ETFB: variants seen among roughly 807,000 people sequenced by gnomAD.
The protein encoded by ETFB is beta-ETF.
Under a neutral mutation model 25.6 loss-of-function variants are expected in ETFB, and 20 were observed. The ratio of observed to expected loss-of-function variants is 0.78; its 90% CI spans 0.55 to 1.14. The LOEUF (loss-of-function observed/expected upper bound fraction) is 1.14. Ranked by LOEUF, ETFB falls within the 50% of genes most tolerant of loss-of-function variation. The pLI is 0.00. For synonymous variants in ETFB, 142 were observed against 146.7 expected (o/e 0.97, Z 0.23); for missense variants, 286 against 342.6 (o/e 0.83, Z 1.30).
At chr19:51,349,366 A>G (rs4802786) in intron 4 of ETFB, among the ~76,000 whole-genome samples, 132,022 of 151,866 alleles carry the variant, frequency 0.87, 57,954 homozygotes, top group African/African-American at 0.94. Context: ...AATGGGGTGA[A>G]ATAAAATATA....
chr19:51,357,413 T>C (rs558955906), intron 1 of ETFB, among the ~76,000 whole-genome samples: 27 of 145,290 alleles, frequency 1.9e-4, no homozygotes, highest in African/African-American at 6.6e-4. Context: ...CCTTCTCAGG[T>C]GCCAGGGATT....
intron 1 of ETFB, chr19:51,356,338 G>C (rs1017205660): frequency 6.6e-6 from 1 of 152,112 alleles, no homozygotes; most frequent in Admixed American, 6.5e-5. Flanking sequence ...AAATGCCACT[G>C]CAGTGTAAGG....
chr19:51,358,840 A>C (rs12977930), intron 1 of ETFB, among the ~76,000 whole-genome samples: 66,689 of 143,388 alleles, frequency 0.47, 16,322 homozygotes, highest in Non-Finnish European at 0.55. Context: ...ACAAAAAAAA[A>C]AAAAAAAAAA....
At chr19:51,354,374 C>T (rs1236176125) in intron 1 of ETFB, 66 bp from the exon 2 acceptor site, 4 of 1,614,068 alleles carry the variant, frequency 2.5e-6, no homozygotes, top group Non-Finnish European at 3.4e-6. Context: ...GGCCTCAGCG[C>T]CAACCCTCTC....
At position 51,353,883 on chromosome 19, in the gene ETFB, T is replaced by C. The variant is rs186073057; in HGVS notation, c.216+267A>G. Among the ~76,000 whole-genome samples the C allele has an allele frequency of 5.9e-3, 32 of 5,416 alleles. 9 individuals are homozygous for C. The highest frequency in any genetic ancestry group is 0.053 in the African/African-American group (19 of 360). The allele number at this position is 5,416 out of a possible 152,430, so 3.6% of individuals were successfully genotyped here. ...GGAATCCAGGCCCCCATCCCCTTCTTCCTCAGACCCAGGAGTCCAGGGCCC... is the reference window on the plus strand; with the variant it reads ...GGAATCCAGGCCCCCATCCCCTTCTCCCTCAGACCCAGGAGTCCAGGGCCC... On this transcript the variant is annotated intron_variant, in intron 2 of 5. Coordinates refer to ENST00000309244, the MANE Select transcript of ETFB (RefSeq NM_001985.3).
intron 1 of ETFB, chr19:51,365,285 A>T (rs1986328251): frequency 6.6e-6 from 1 of 152,256 alleles, no homozygotes. Context: ...GATGCCTGCC[A>T]CGTAAGTACC....
chr19:51,345,618 A>G (rs1436355343), intron 5 of ETFB: 3 of 568,852 alleles, frequency 5.3e-6, no homozygotes, highest in Non-Finnish European at 9.5e-6. Flanking sequence ...TAGGTAACCA[A>G]ATCAGGAAGC....
intron 1 of ETFB, chr19:51,361,812 CT>C (rs1986238836): frequency 6.9e-6 from 1 of 145,936 alleles, no homozygotes; most frequent in South Asian, 2.1e-4. Flanking sequence ...TCAAGCGATT[CT>C]TCTGCCTCAG....
Position 51,354,296 on chromosome 19 carries a change from G to T in ETFB, c.70C>A (p.Pro24Thr), listed in dbSNP as rs1241346242. The change falls in exon 2 of 6, where the codon CCT becomes ACT. Residue 24 changes from proline (P) to threonine (T), a missense_variant. Physicochemically the swap from Pro to Thr is conservative, Grantham distance 38 (BLOSUM62 -1). Transcript: ENST00000309244. ...TCCGTGACCACACCGGTCCTGTCAG[G>T]CTTCACTCGGATCTGCCCAGCAGGA... Reference protein sequence around the residue: ...IDYAVKIRVKPDRTGVVTDGV... With the variant: ...IDYAVKIRVKTDRTGVVTDGV... 8 of 1,614,062 alleles carry T rather than the reference G, an allele frequency of 5.0e-6. No homozygotes were observed. Among genetic ancestry groups the T allele is most frequent in the Non-Finnish European group, 5.9e-6 (7 of 1,180,056 alleles).
intron 1 of ETFB, among the ~76,000 whole-genome samples, chr19:51,359,300 C>T (rs939439249): frequency 6.6e-5 from 10 of 151,824 alleles, no homozygotes; most frequent in East Asian, 3.9e-4. Flanking sequence ...TAAAGTGATC[C>T]GCCTGCTTCA....
chr19:51,346,841 TG>T, intron 5 of ETFB, 58 bp downstream of exon 5: 1 of 1,509,194 alleles, frequency 6.6e-7, no homozygotes, highest in Non-Finnish European at 8.9e-7. Context: ...CGGGGGGCAC[TG>T]GGCTGGCAAT....
chr19:51,345,666 T>C (rs1449888927), intron 5 of ETFB: 1 of 489,180 alleles, frequency 2.0e-6, no homozygotes, highest in Admixed American at 3.3e-5. Flanking sequence ...ACCCATCCTT[T>C]TGGTAGTAAT....
intron 2 of ETFB, 101 bp downstream of exon 2, chr19:51,354,049 C>T: frequency 7.0e-7 from 1 of 1,421,152 alleles, no homozygotes. Context: ...CCCAGGGGTC[C>T]AGACTTCCAG....
intron 1 of ETFB, among the ~76,000 whole-genome samples, chr19:51,360,503 C>T (rs1287807390): frequency 6.6e-6 from 1 of 152,228 alleles, no homozygotes; most frequent in Non-Finnish European, 1.5e-5. Context: ...GTTTGACCAT[C>T]CTAGTAGCCT....
Position 51,347,017 on chromosome 19 carries a change from C to T in ETFB, c.480G>A (p.Leu160=), listed in dbSNP as rs2123572721. The T allele has an allele frequency of 6.2e-7, 1 of 1,613,364 alleles. No individual in the cohort carries two copies. The highest frequency in any genetic ancestry group is 8.5e-7 in the Non-Finnish European group (1 of 1,179,784). ...CCCCATCGATCTCCCGCTCCACTTTCAACTTGTCCCCCTCCAGCGTCACCT... is the reference window on the plus strand; with the variant it reads ...CCCCATCGATCTCCCGCTCCACTTTTAACTTGTCCCCCTCCAGCGTCACCT... ...ASQVTLEGDK[L]KVEREIDGGL... is the part of the protein sequence containing the mutation. The change falls in exon 5 of 6, where the codon TTG becomes TTA. Residue 160 remains leucine (L), a synonymous_variant. Coordinates refer to ENST00000309244, the MANE Select transcript of ETFB (RefSeq NM_001985.3).
chr19:51,347,046 AG>A lies in ETFB; in HGVS notation c.450del (p.Ser151ProfsTer3), dbSNP rs780515260. On this transcript the variant is annotated frameshift_variant, in exon 5 of 6. Coordinates refer to ENST00000309244, the MANE Select transcript of ETFB (RefSeq NM_001985.3). LOFTEE classifies it high-confidence loss of function. The part of the protein sequence containing the change: ...GFLDWPQGTF[A>X]SQVTLEGDKL... ...TTGTCCCCCTCCAGCGTCACCTGGG[AG>A]GCGAATGTGCCCTGGGGAGGGACAG... The A allele has an allele frequency of 1.2e-6, 2 of 1,613,928 alleles. No individual in the cohort carries two copies. The highest frequency in any genetic ancestry group is 1.7e-6 in the Non-Finnish European group (2 of 1,179,948).
chr19:51,359,333 C>A lies in ETFB; in HGVS notation c.58-5025G>T, dbSNP rs1406747644. 2.0e-5 allele frequency among the ~76,000 whole-genome samples: 3 copies of A among 151,722 alleles called. No individual in the cohort carries two copies. The East Asian group carries it at 5.8e-4, about 29-fold the overall frequency. ...TCAGCCTACCAAAGTGATGGGATTA[C>A]AGGTGTGAGTCGCAGTGCCTGGCCT... On this transcript the variant is annotated intron_variant, in intron 1 of 5. Transcript: ENST00000309244.
intron 4 of ETFB, among the ~76,000 whole-genome samples, chr19:51,349,267 A>C (rs964257694): frequency 1.8e-4 from 27 of 152,174 alleles, no homozygotes; most frequent in Non-Finnish European, 3.1e-4. Context: ...TTTATGATGG[A>C]TTTATCAGGA....
chr19:51,362,661 G>T (rs1283820588), intron 1 of ETFB, among the ~76,000 whole-genome samples: 1 of 152,196 alleles, frequency 6.6e-6, no homozygotes, highest in Non-Finnish European at 1.5e-5. Context: ...AAAGTAGATA[G>T]TACCATCATC....
Sources: gnomAD v4.1 joint callset for allele counts (sites outside exome capture counted in the v4.1 genomes callset) on GRCh38, gnomAD v4.1.1 for gene constraint, MANE v1.5 for transcripts, NCBI Gene and HGNC (gene_info 2026-07-23, HGNC 2026-07-21) for gene names.